The following TUSC3 variants were observed in gnomAD, a reference collection of about 807,000 sequenced individuals.
TUSC3 encodes the protein dolichyl-diphosphooligosaccharide--protein glycosyltransferase subunit TUSC3.
Under a neutral mutation model 44.8 loss-of-function variants are expected in TUSC3, and 45 were observed. The ratio of observed to expected loss-of-function variants is 1.00; its 90% confidence interval spans 0.79 to 1.29. The LOEUF is 1.29. TUSC3 is among the 50% of genes most tolerant of loss of function. The pLI, the probability that TUSC3 is intolerant of heterozygous loss-of-function variation, is 0.00. For synonymous variants in TUSC3, 212 were observed against 152.9 expected (o/e 1.39, Z -2.85); for missense variants, 519 against 437.9 (o/e 1.19, Z -1.65).
intron 1 of TUSC3, among the ~76,000 whole-genome samples, chr8:15,451,958 A>G (rs892449493): frequency 6.6e-6 from 1 of 152,292 alleles, no homozygotes; most frequent in East Asian, 1.9e-4. Context: ...TTCAGTTTTT[A>G]TAATGTGAGG....
intron 1 of TUSC3, among the ~76,000 whole-genome samples, chr8:15,615,790 A>T (rs918211864): frequency 6.6e-6 from 1 of 152,220 alleles, no homozygotes; most frequent in African/African-American, 2.4e-5. Flanking sequence ...CAGGACGTTT[A>T]TACACTAAAA....
intron 2 of TUSC3, among the ~76,000 whole-genome samples, chr8:15,631,466 TG>T (rs1805760939): frequency 6.6e-6 from 1 of 152,142 alleles, no homozygotes; most frequent in African/African-American, 2.4e-5. Flanking sequence ...TACAGAAAAT[TG>T]AAACTAGTAC....
At chr8:15,766,736 G>GACTAGATGTTGCTGT (rs1463272965), downstream of TUSC3, 7 of 152,056 alleles carry the variant, frequency 4.6e-5, no homozygotes, top group Non-Finnish European at 1.0e-4. Context: ...TTGGGGAGAC[G>GACTAGATGTTGCTGT]ACTAGATGTT....
intron 2 of TUSC3, among the ~76,000 whole-genome samples, chr8:15,629,074 T>C (rs1333900869): frequency 6.6e-6 from 1 of 152,210 alleles, no homozygotes; most frequent in East Asian, 1.9e-4. Context: ...AGGGTTTATT[T>C]AATAAGTAAC....
intron 6 of TUSC3, among the ~76,000 whole-genome samples, chr8:15,710,796 TA>T (rs1313397843): frequency 2.0e-5 from 3 of 148,420 alleles, no homozygotes; most frequent in Non-Finnish European, 3.0e-5. Context: ...TATATATTTA[TA>T]AATATATATA....
chr8:15,435,372 CA>C (rs1370041804), intron 1 of TUSC3, among the ~76,000 whole-genome samples: 1 of 152,106 alleles, frequency 6.6e-6, no homozygotes, highest in Non-Finnish European at 1.5e-5. Context: ...TCTCAAAACT[CA>C]TTCCTTATAT....
chr8:15,650,970 C>T (rs1806875505), intron 3 of TUSC3, 156 bp downstream of exon 3: 2 of 649,328 alleles, frequency 3.1e-6, no homozygotes, highest in African/African-American at 1.9e-5. Flanking sequence ...AGGTGGAGGA[C>T]AGAGCAAGAC....
intron 1 of TUSC3, among the ~76,000 whole-genome samples, chr8:15,452,171 G>T (rs1800203266): frequency 6.6e-6 from 1 of 152,134 alleles, no homozygotes; most frequent in African/African-American, 2.4e-5. Flanking sequence ...AGAAAAACAT[G>T]TTAAAGTGCT....
At chr8:15,714,796 C>G (rs1809995670) in intron 6 of TUSC3, among the ~76,000 whole-genome samples, 1 of 152,100 alleles carries the variant, frequency 6.6e-6, no homozygotes, top group South Asian at 2.1e-4. Context: ...CAGAGAATGT[C>G]TGAAGTGAGA....
intron 1 of TUSC3, among the ~76,000 whole-genome samples, chr8:15,576,558 C>T (rs376792354): frequency 4.9e-5 from 7 of 143,404 alleles, no homozygotes; most frequent in Non-Finnish European, 9.0e-5. Context: ...GAGAATATGC[C>T]GTGATTGGTT....
chr8:15,836,492 AT>A, the TUSC3 span, among the ~76,000 whole-genome samples: 5 of 138,062 alleles, frequency 3.6e-5, no homozygotes, highest in Non-Finnish European at 8.0e-5. Flanking sequence ...AAAAAAAAAA[AT>A]TAATATAAGA....
At chr8:15,440,957 C>T (rs960543364) in intron 1 of TUSC3, among the ~76,000 whole-genome samples, 18 of 152,244 alleles carry the variant, frequency 1.2e-4, no homozygotes, top group East Asian at 3.9e-4. Context: ...GTAAGTTTTG[C>T]GGGTTCATAG....
intron 1 of TUSC3, among the ~76,000 whole-genome samples, chr8:15,548,010 TTCTGTGAGAAGATAGCAATGTGAGCAA>T (rs2129135306): frequency 6.6e-6 from 1 of 151,784 alleles, no homozygotes; most frequent in Non-Finnish European, 1.5e-5. Context: ...TTGTTTTTTC[TTCTGTGAGAAGATAGCAATGTGAGCAA>T]TCTGCAGTCC....
chr8:15,818,169 C>G, the TUSC3 span, among the ~76,000 whole-genome samples: 1 of 152,146 alleles, frequency 6.6e-6, no homozygotes, highest in Non-Finnish European at 1.5e-5. Context: ...GATGTCAAGA[C>G]AAACTTTTTA....
At chr8:15,585,296 C>G (rs551003833) in intron 1 of TUSC3, among the ~76,000 whole-genome samples, 113 of 152,208 alleles carry the variant, frequency 7.4e-4, no homozygotes, top group African/African-American at 2.5e-3. Flanking sequence ...GAGAGAGGTA[C>G]AGATTTGAGA....
At chr8:15,693,072 G>A (rs1808991867) in intron 6 of TUSC3, among the ~76,000 whole-genome samples, 1 of 152,174 alleles carries the variant, frequency 6.6e-6, no homozygotes, top group Admixed American at 6.5e-5. Flanking sequence ...TGGATCTGTT[G>A]AAGACAGCTT....
chr8:15,766,201 T>A lies in TUSC3; in HGVS notation c.*2045T>A, dbSNP rs991940697. On this transcript the variant is annotated 3_prime_UTR_variant, in exon 11 of 11. Transcript: ENST00000503731. ...ATGCTTTAAAAAGCTGTGGCTTCTC[T>A]ATAGACAACTGTTACATTAGGGAAG... is the stretch of plus-strand genomic sequence containing the variant. 5 of 152,218 alleles carry A rather than the reference T, an allele frequency of 3.3e-5. No individual in the cohort carries two copies. The highest frequency in any genetic ancestry group is 1.3e-4 in the Admixed American group (2 of 15,262). 9.4% of individuals were successfully genotyped at this position (152,218 alleles called of 1,614,324 possible).
At chr8:15,533,441 C>G (rs1436933774) in intron 2 of TUSC3, among the ~76,000 whole-genome samples, 1 of 152,162 alleles carries the variant, frequency 6.6e-6, no homozygotes, top group Admixed American at 6.5e-5. Context: ...TGTCCTTTGT[C>G]TAATACCTGT....
At chr8:15,475,066 G>C (rs1404622323) in intron 1 of TUSC3, among the ~76,000 whole-genome samples, 1 of 151,950 alleles carries the variant, frequency 6.6e-6, no homozygotes, top group Non-Finnish European at 1.5e-5. Context: ...ATATTTATAG[G>C]CGCCCCCTTT....
Sources: gnomAD v4.1 joint callset for allele counts (sites outside exome capture counted in the v4.1 genomes callset) on GRCh38, gnomAD v4.1.1 for gene constraint, MANE v1.5 for transcripts, NCBI Gene and HGNC (gene_info 2026-07-23, HGNC 2026-07-21) for gene names.